ADK: variants seen among roughly 807,000 people sequenced by gnomAD.
ADK encodes the protein adenosine kinase.
In ADK, 24 loss-of-function variants were observed where a neutral mutation model predicts 44.7. The observed-to-expected ratio is 0.54, with a 90% CI of 0.39 to 0.76. The LOEUF (loss-of-function observed/expected upper bound fraction) is 0.76. ADK is among the 30% of genes least tolerant of loss of function. ADK has a pLI of 0.00. For missense variants in ADK, 321 were observed against 425.1 expected, an observed-to-expected ratio of 0.76 and a Z score of 2.15; for synonymous variants, 128 against 142.6, an observed-to-expected ratio of 0.90 and a Z score of 0.73.
At chr10:74,544,630 A>G (rs181909548) in intron 7 of ADK, among the ~76,000 whole-genome samples, 1 of 152,266 alleles carries the variant, frequency 6.6e-6, no homozygotes, top group Admixed American at 6.5e-5. Flanking sequence ...TAATCCCAGC[A>G]TTTTGGGGGG....
chr10:74,440,119 C>T (rs1261292695), intron 6 of ADK, among the ~76,000 whole-genome samples: 1 of 152,042 alleles, frequency 6.6e-6, no homozygotes. Flanking sequence ...GGCATTTAGA[C>T]TAATCCTAGT....
At chr10:74,704,395 A>G (rs1394935683) in intron 10 of ADK, among the ~76,000 whole-genome samples, 1 of 152,182 alleles carries the variant, frequency 6.6e-6, no homozygotes, top group Non-Finnish European at 1.5e-5. Flanking sequence ...TTCCATTATA[A>G]AAGGATTCCC....
At chr10:74,302,137 T>TGTTTTTTTTG (rs1564642405) in intron 3 of ADK, among the ~76,000 whole-genome samples, 1 of 103,818 alleles carries the variant, frequency 9.6e-6, no homozygotes, top group Non-Finnish European at 1.9e-5. Flanking sequence ...TTTTTTTTTT[T>TGTTTTTTTTG]TTTTTTTTTG....
chr10:74,278,080 G>A (rs1283779306), intron 3 of ADK, among the ~76,000 whole-genome samples: 3 of 151,920 alleles, frequency 2.0e-5, no homozygotes, highest in African/African-American at 4.8e-5. Context: ...GAGGGGTGGC[G>A]ACGTAGCTCA....
intron 1 of ADK, among the ~76,000 whole-genome samples, chr10:74,184,379 G>C (rs1842671277): frequency 6.6e-6 from 1 of 151,998 alleles, no homozygotes; most frequent in Non-Finnish European, 1.5e-5. Context: ...TGCCCAGCTG[G>C]AGTGCAGTAG....
intron 3 of ADK, among the ~76,000 whole-genome samples, chr10:74,300,403 G>A (rs374883617): frequency 1.4e-5 from 2 of 147,594 alleles, no homozygotes; most frequent in South Asian, 4.3e-4. Flanking sequence ...TCTCAACAGG[G>A]TTTCACTCTG....
rs58295310 is a variant in ADK at position 74,364,687 on chromosome 10, GGTGTGTGTGTGTGTGTGTGTGTGT to G, written c.274-29423_274-29400del. Among the ~76,000 whole-genome samples the G allele has an allele frequency of 7.3e-5, 10 of 136,460 alleles. No homozygotes were observed. In the East Asian group the frequency reaches 1.6e-3, roughly 21 times the overall value. The allele number at this position is 136,460 out of a possible 152,430, so 89.5% of individuals were successfully genotyped here. A position where few individuals can be genotyped will look rare whatever the true frequency, so the allele number is the denominator to read the frequency against. ...TCCTTTATCTTTAGGCAAAGGCTAT[GGTGTGTGTGTGTGTGTGTGTGTGT>G]GTGTGTGTGTGTGTGTGTGTGTGTG... On this transcript the variant is annotated intron_variant, in intron 4 of 10. Transcript: ENST00000539909.
At chr10:74,526,572 T>G (rs1849050607) in intron 7 of ADK, among the ~76,000 whole-genome samples, 1 of 152,176 alleles carries the variant, frequency 6.6e-6, no homozygotes, top group Non-Finnish European at 1.5e-5. Flanking sequence ...ATCTAATAAC[T>G]GCCATCTGCC....
intron 3 of ADK, among the ~76,000 whole-genome samples, chr10:74,293,955 G>T (rs374556214): frequency 4.6e-5 from 7 of 152,108 alleles, no homozygotes; most frequent in African/African-American, 1.7e-4. Flanking sequence ...TTCCCCAAAG[G>T]TATCTTCTGT....
intron 3 of ADK, among the ~76,000 whole-genome samples, chr10:74,311,833 C>G (rs118011737): frequency 1.2e-3 from 182 of 152,130 alleles, no homozygotes; most frequent in Non-Finnish European, 2.3e-3. Context: ...ATCACTTTTC[C>G]CAGCATAGAT....
intron 6 of ADK, among the ~76,000 whole-genome samples, chr10:74,457,695 G>T (rs1022217342): frequency 1.3e-5 from 2 of 152,160 alleles, no homozygotes; most frequent in African/African-American, 4.8e-5. Flanking sequence ...CCATAAAAAA[G>T]GATGAGTTCA....
intron 4 of ADK, among the ~76,000 whole-genome samples, chr10:74,374,191 A>T (rs1842754475): frequency 6.6e-6 from 1 of 152,106 alleles, no homozygotes; most frequent in African/African-American, 2.4e-5. Context: ...GTGTTGAAAA[A>T]TGTTCTAAAA....
intron 10 of ADK, among the ~76,000 whole-genome samples, chr10:74,688,917 CAGAG>C (rs1005335148): frequency 6.8e-6 from 1 of 146,054 alleles, no homozygotes; most frequent in Non-Finnish European, 1.5e-5. Context: ...AATCCAGAAA[CAGAG>C]AGACTGATCA....
chr10:74,270,681 CAT>C, intron 3 of ADK, among the ~76,000 whole-genome samples: 1 of 152,304 alleles, frequency 6.6e-6, no homozygotes, highest in Middle Eastern at 3.4e-3. Context: ...CAGTAGGAGA[CAT>C]TGGTAGAAAT....
intron 3 of ADK, among the ~76,000 whole-genome samples, chr10:74,266,549 C>A (rs923730578): frequency 6.6e-6 from 1 of 151,576 alleles, no homozygotes; most frequent in Non-Finnish European, 1.5e-5. Flanking sequence ...GAGCAGGACT[C>A]TGCTTCAAAA....
chr10:74,454,823 C>T (rs1845886941), intron 6 of ADK, among the ~76,000 whole-genome samples: 2 of 152,112 alleles, frequency 1.3e-5, no homozygotes, highest in Admixed American at 6.5e-5. Flanking sequence ...TGAAACTTGG[C>T]AAGGCCTTTT....
chr10:74,410,675 T>C (rs556578580), intron 6 of ADK, among the ~76,000 whole-genome samples: 2 of 152,236 alleles, frequency 1.3e-5, no homozygotes, highest in Admixed American at 1.3e-4. Flanking sequence ...AGTGAGACTC[T>C]GTCTGAAAAC....
At chr10:74,242,604 AC>A (rs745332884) in intron 3 of ADK, among the ~76,000 whole-genome samples, 56 of 152,174 alleles carry the variant, frequency 3.7e-4, no homozygotes, top group Non-Finnish European at 7.4e-4. Context: ...CCCTGGTGAA[AC>A]CCCACCTCCA....
intron 7 of ADK, among the ~76,000 whole-genome samples, chr10:74,536,333 C>A (rs1182532320): frequency 2.0e-5 from 3 of 151,922 alleles, no homozygotes; most frequent in Non-Finnish European, 4.4e-5. Flanking sequence ...AATGATATTT[C>A]TCTCCAAAAA....
Sources: gnomAD v4.1 joint callset for allele counts (sites outside exome capture counted in the v4.1 genomes callset) on GRCh38, gnomAD v4.1.1 for gene constraint, MANE v1.5 for transcripts, NCBI Gene and HGNC (gene_info 2026-07-23, HGNC 2026-07-21) for gene names.